Variants in TRPC4AP observed in about 807,000 individuals in gnomAD.
TRPC4AP encodes short transient receptor potential channel 4-associated protein.
A neutral mutation model predicts 99.0 loss-of-function variants in TRPC4AP; 45 were observed. That is an observed-to-expected ratio of 0.45 (90% confidence interval 0.36 to 0.58). The LOEUF (loss-of-function observed/expected upper bound fraction) is 0.58. Ranked by LOEUF, TRPC4AP falls within the 20% of genes least tolerant of loss-of-function variation. The probability of loss-of-function intolerance (pLI) is 0.00; values close to 1 mark genes in which losing one functional copy is unlikely to be tolerated. For synonymous variants in TRPC4AP, 408 were observed against 385.8 expected, an observed-to-expected ratio of 1.06 and a Z score of -0.67; for missense variants, 879 against 985.3, an observed-to-expected ratio of 0.89 and a Z score of 1.44.
At chr20:35,028,760 T>C (rs2083092892) in intron 8 of TRPC4AP, among the ~76,000 whole-genome samples, 1 of 152,220 alleles carries the variant, frequency 6.6e-6, no homozygotes, top group Non-Finnish European at 1.5e-5. Context: ...TTATTAAAAG[T>C]AGTATGTTAA....
At chr20:35,055,677 T>C (rs2083810143) in intron 4 of TRPC4AP, among the ~76,000 whole-genome samples, 1 of 152,242 alleles carries the variant, frequency 6.6e-6, no homozygotes, top group Admixed American at 6.5e-5. Context: ...TGGCTAAAAG[T>C]TAAAAGTATA....
chr20:35,014,624 C>T (rs2082710841), intron 10 of TRPC4AP, among the ~76,000 whole-genome samples: 1 of 152,166 alleles, frequency 6.6e-6, no homozygotes, highest in African/African-American at 2.4e-5. Context: ...TTGAGCCAGA[C>T]AGAACATCTA....
intron 3 of TRPC4AP, among the ~76,000 whole-genome samples, chr20:35,064,335 A>G (rs1357801996): frequency 1.3e-5 from 2 of 152,224 alleles, no homozygotes; most frequent in Non-Finnish European, 2.9e-5. Context: ...TTTTTAAATT[A>G]AAAAGCCAGC....
intron 6 of TRPC4AP, 122 bp downstream of exon 6, chr20:35,049,744 T>C: frequency 8.4e-7 from 1 of 1,190,270 alleles, no homozygotes. Context: ...CTTGAATACA[T>C]CTGAGTAACA....
At chr20:35,029,628 CTTTTTT>C (rs35372826) in intron 8 of TRPC4AP, among the ~76,000 whole-genome samples, 42 of 39,386 alleles carry the variant, frequency 1.1e-3, no homozygotes, top group African/African-American at 4.5e-3. Flanking sequence ...AAGTTACTTT[CTTTTTT>C]TTTTTTTTTT....
In TRPC4AP at chr20:35,003,287, G is replaced by A. The variant is rs1321199405; in HGVS notation, c.2257-4C>T. Reference sequence around the variant, plus strand: ...ATGAGAAGCTGATGCAGGAGCTCTGGGCAAAGAGGGAGGGGCTGGGGGGCG... The same window carrying A: ...ATGAGAAGCTGATGCAGGAGCTCTGAGCAAAGAGGGAGGGGCTGGGGGGCG... On this transcript the variant is annotated splice_polypyrimidine_tract_variant and splice_region_variant and intron_variant, in intron 18 of 18. Transcript: ENST00000252015. The A allele has an allele frequency of 1.9e-6, 3 of 1,613,286 alleles. No individual in the cohort carries two copies. The highest frequency in any genetic ancestry group is 1.7e-5 in the Admixed American group (1 of 59,968).
At chr20:35,024,854 A>ACAAAAAAACAT (rs1555904987) in intron 8 of TRPC4AP, among the ~76,000 whole-genome samples, 2 of 89,480 alleles carry the variant, frequency 2.2e-5, no homozygotes, top group Non-Finnish European at 4.6e-5. Flanking sequence ...AAAAAAAAAA[A>ACAAAAAAACAT]ATTCTGTTTA....
intron 1 of TRPC4AP, among the ~76,000 whole-genome samples, chr20:35,084,646 A>G (rs868011110): frequency 7.6e-6 from 1 of 131,958 alleles, no homozygotes; most frequent in Non-Finnish European, 1.6e-5. Flanking sequence ...ATATGTATGT[A>G]TGTTTATATG....
At chr20:35,049,404 G>A (rs1043033451) in intron 6 of TRPC4AP, among the ~76,000 whole-genome samples, 3 of 151,776 alleles carry the variant, frequency 2.0e-5, no homozygotes, top group Non-Finnish European at 4.4e-5. Context: ...AAATAGAGGC[G>A]GACTTCATAA....
In TRPC4AP at chr20:35,002,836, C is replaced by T. The variant is rs562462939; in HGVS notation, c.*310G>A. Reference sequence around the variant, plus strand: ...TGGGACTGACTGACAGCCAAGAAACCGGCAGGAGCTCACACAGAGCTAATG... The same window carrying T: ...TGGGACTGACTGACAGCCAAGAAACTGGCAGGAGCTCACACAGAGCTAATG... On this transcript the variant is annotated 3_prime_UTR_variant, in exon 19 of 19. Transcript: ENST00000252015. 132 of 267,532 alleles carry T rather than the reference C, an allele frequency of 4.9e-4. No individual in the cohort carries two copies. The highest frequency in any genetic ancestry group is 8.4e-4 in the Admixed American group (17 of 20,320). The allele number at this position is 267,532 out of a possible 1,614,324, so 16.6% of individuals were successfully genotyped here.
intron 6 of TRPC4AP, among the ~76,000 whole-genome samples, chr20:35,045,122 TATCCCCC>T (rs2083529253): frequency 6.6e-6 from 1 of 152,224 alleles, no homozygotes; most frequent in South Asian, 2.1e-4. Context: ...GGCCTCTGTG[TATCCCCC>T]ATCCAGTCGC....
intron 3 of TRPC4AP, among the ~76,000 whole-genome samples, chr20:35,060,893 A>T (rs764460185): frequency 6.6e-6 from 1 of 152,178 alleles, no homozygotes; most frequent in East Asian, 1.9e-4. Context: ...CACGCTTAAC[A>T]GTGAAGACTA....
intron 11 of TRPC4AP, among the ~76,000 whole-genome samples, chr20:35,012,052 G>GA (rs2082650120): frequency 6.6e-6 from 1 of 152,230 alleles, no homozygotes; most frequent in African/African-American, 2.4e-5. Context: ...TACTCAGACT[G>GA]AAGAGTCTGA....
At chr20:35,027,602 T>C (rs1275079675) in intron 8 of TRPC4AP, among the ~76,000 whole-genome samples, 1 of 152,212 alleles carries the variant, frequency 6.6e-6, no homozygotes, top group Non-Finnish European at 1.5e-5. Flanking sequence ...TGGTGTGAAT[T>C]CTTCTTGAAA....
At position 35,006,298 on chromosome 20, in the gene TRPC4AP, T is replaced by G; in HGVS notation, c.1827+137A>C. The G allele has an allele frequency of 3.0e-6, 3 of 1,012,072 alleles. No individual in the cohort carries two copies. In the South Asian group the frequency reaches 4.7e-5, roughly 16 times the overall value. 62.7% of individuals were successfully genotyped at this position (1,012,072 alleles called of 1,614,324 possible). A position where few individuals can be genotyped will look rare whatever the true frequency, so the allele number is the denominator to read the frequency against. On this transcript the variant is annotated intron_variant, in intron 15 of 18. Coordinates refer to ENST00000252015, the MANE Select transcript of TRPC4AP (RefSeq NM_015638.3). ...CAAAGCCAGACAGAGCAGGTTCCAATGAATGTTTGCCAAAGACTGCCCAGA... is the reference window on the plus strand; with the variant it reads ...CAAAGCCAGACAGAGCAGGTTCCAAGGAATGTTTGCCAAAGACTGCCCAGA...
chr20:35,047,087 T>G (rs761246609), intron 6 of TRPC4AP, among the ~76,000 whole-genome samples: 8 of 152,216 alleles, frequency 5.3e-5, no homozygotes, highest in Non-Finnish European at 1.2e-4. Context: ...CAGGCTGGTC[T>G]CCTGACCTCA....
At chr20:35,033,201 A>G (rs1490565522) in intron 8 of TRPC4AP, among the ~76,000 whole-genome samples, 1 of 152,116 alleles carries the variant, frequency 6.6e-6, no homozygotes, top group Non-Finnish European at 1.5e-5. Flanking sequence ...AAAAAAGGAC[A>G]TTTTAAGTAA....
In TRPC4AP at chr20:35,002,425, T is replaced by TTAA. The variant is rs1258449201; in HGVS notation, c.*718_*720dup. Reference sequence around the variant, plus strand: ...GCAGTCATTTTTAAAATAAAGTTATTTAATAGTCTCCATTTAATTGGTTTA... The same window carrying TTAA: ...GCAGTCATTTTTAAAATAAAGTTATTTAATAATAGTCTCCATTTAATTGGTTTA... On this transcript the variant is annotated 3_prime_UTR_variant, in exon 19 of 19. Transcript: ENST00000252015. 7.2e-6 allele frequency: 3 copies of TTAA among 415,282 alleles called. No individual in the cohort carries two copies. The highest frequency in any genetic ancestry group is 8.3e-5 in the Admixed American group (2 of 24,120). The allele number at this position is 415,282 out of a possible 1,614,324, so 25.7% of individuals were successfully genotyped here. A position where few individuals can be genotyped will look rare whatever the true frequency, so the allele number is the denominator to read the frequency against.
Position 35,045,921 on chromosome 20 carries a change from G to A in TRPC4AP, c.658-1209C>T, listed in dbSNP as rs560056839. ...TGGACTCAAGCAATCCTCCCACCTT[G>A]GCCTCCTAAACTGCTGGGATTACAT... is the stretch of plus-strand genomic sequence containing the variant. On this transcript the variant is annotated intron_variant, in intron 6 of 18. Coordinates refer to ENST00000252015, the MANE Select transcript of TRPC4AP (RefSeq NM_015638.3). Among the ~76,000 whole-genome samples the A allele has an allele frequency of 7.0e-4, 106 of 152,202 alleles. 1 individual carries two copies. Among genetic ancestry groups the A allele is most frequent in the African/African-American group, 2.4e-3 (101 of 41,530 alleles).
Sources: allele counts gnomAD v4.1 joint callset (sites outside exome capture counted in the v4.1 genomes callset), GRCh38; gene constraint gnomAD v4.1.1; transcripts MANE v1.5; gene names NCBI Gene and HGNC (gene_info 2026-07-23, HGNC 2026-07-21).